The following TXNRD1 variants were observed in gnomAD, a reference collection of about 807,000 sequenced individuals.
TXNRD1 encodes thioredoxin reductase 1, cytoplasmic.
TXNRD1 carries 57 observed loss-of-function variants against 80.3 expected under a neutral mutation model. The ratio of observed to expected loss-of-function variants is 0.71; its 90% CI spans 0.57 to 0.89. The LOEUF (loss-of-function observed/expected upper bound fraction) is 0.89. TXNRD1 is among the 40% of genes least tolerant of loss of function. The probability of loss-of-function intolerance (pLI) is 0.00; values close to 1 mark genes in which losing one functional copy is unlikely to be tolerated. For missense variants in TXNRD1, 730 were observed against 803.0 expected (o/e 0.91, Z 1.10); for synonymous variants, 291 against 285.2 (o/e 1.02, Z -0.20).
intron 3 of TXNRD1, chr12:104,265,652 C>A (rs1251704587): frequency 6.8e-6 from 11 of 1,606,438 alleles, no homozygotes; most frequent in African/African-American, 1.3e-5. Flanking sequence ...GACATGGGTG[C>A]CCGGCACCGC....
intron 1 of TXNRD1, among the ~76,000 whole-genome samples, chr12:104,243,361 T>C (rs1017811688): frequency 6.6e-5 from 10 of 152,174 alleles, no homozygotes; most frequent in African/African-American, 2.2e-4. Flanking sequence ...ATAACTACTT[T>C]CTTGTCTTCA....
At chr12:104,279,851 T>C (rs1565875249) in intron 3 of TXNRD1, among the ~76,000 whole-genome samples, 1 of 151,918 alleles carries the variant, frequency 6.6e-6, no homozygotes, top group Non-Finnish European at 1.5e-5. Context: ...GATCACGAAG[T>C]CAGGAGTTGA....
In TXNRD1 at chr12:104,349,468, GTTA is replaced by G. The variant is rs776812321; in HGVS notation, c.*1054_*1056del. On this transcript the variant is annotated 3_prime_UTR_variant, in exon 17 of 17. Coordinates refer to ENST00000525566, the MANE Select transcript of TXNRD1 (RefSeq NM_001093771.3). ...TTAAAGGAAGTTATTAATATCATAA[GTTA>G]TTATTAATATTTTGAACACAGGTGG... 1.2e-4 allele frequency: 19 copies of G among 152,620 alleles called. No individual in the cohort carries two copies. The highest frequency in any genetic ancestry group is 3.9e-4 in the East Asian group (2 of 5,188). The allele number at this position is 152,620 out of a possible 1,614,324, so 9.5% of individuals were successfully genotyped here.
chr12:104,282,407 G>A (rs1429656442), intron 3 of TXNRD1, among the ~76,000 whole-genome samples: 2 of 152,144 alleles, frequency 1.3e-5, no homozygotes, highest in African/African-American at 2.4e-5. Flanking sequence ...TGATTTAATT[G>A]GGAATGACAA....
At chr12:104,306,808 G>T (rs906149473) in intron 4 of TXNRD1, among the ~76,000 whole-genome samples, 3 of 152,130 alleles carry the variant, frequency 2.0e-5, no homozygotes, top group African/African-American at 4.8e-5. Flanking sequence ...CTCATTTCCA[G>T]CATGTCTCTA....
At chr12:104,244,336 A>G (rs1049283937) in intron 1 of TXNRD1, among the ~76,000 whole-genome samples, 3 of 152,192 alleles carry the variant, frequency 2.0e-5, no homozygotes, top group African/African-American at 7.2e-5. Flanking sequence ...TACTAATCCC[A>G]CAGTTCAAAT....
chr12:104,293,952 C>G (rs548479715), intron 4 of TXNRD1, among the ~76,000 whole-genome samples: 14 of 152,218 alleles, frequency 9.2e-5, no homozygotes, highest in Admixed American at 8.5e-4. Flanking sequence ...GCCTGGCAGC[C>G]GAGGCAGAGA....
intron 4 of TXNRD1, among the ~76,000 whole-genome samples, chr12:104,301,632 C>T (rs917636454): frequency 6.6e-6 from 1 of 152,184 alleles, no homozygotes; most frequent in African/African-American, 2.4e-5. Flanking sequence ...CCACCGTGCC[C>T]GGCTGCTTTT....
At chr12:104,265,456 C>T (rs2033460475) in intron 3 of TXNRD1, 2 of 1,605,914 alleles carry the variant, frequency 1.2e-6, no homozygotes, top group African/African-American at 2.7e-5. Flanking sequence ...CTTTGTATCT[C>T]AGTTAAAGAA....
chr12:104,289,752 CA>C (rs1555211918), intron 4 of TXNRD1, among the ~76,000 whole-genome samples: 4 of 144,186 alleles, frequency 2.8e-5, no homozygotes, highest in Non-Finnish European at 6.1e-5. Context: ...AAAAAAAAAA[CA>C]GTCTTGCTCT....
chr12:104,220,861 A>C (rs552468613), intron 1 of TXNRD1, among the ~76,000 whole-genome samples: 4 of 152,316 alleles, frequency 2.6e-5, no homozygotes, highest in African/African-American at 9.6e-5. Flanking sequence ...GGAATATTTC[A>C]TGAATATTCC....
intron 15 of TXNRD1, among the ~76,000 whole-genome samples, chr12:104,338,447 C>T (rs565723870): frequency 1.3e-5 from 2 of 151,648 alleles, no homozygotes; most frequent in African/African-American, 2.4e-5. Context: ...GTAATCCCAG[C>T]ACTTTGGGAG....
intron 1 of TXNRD1, among the ~76,000 whole-genome samples, chr12:104,236,133 G>A (rs1226680178): frequency 6.6e-6 from 1 of 152,104 alleles, no homozygotes; most frequent in Non-Finnish European, 1.5e-5. Context: ...GTATATCTTG[G>A]GAAATACTGT....
intron 4 of TXNRD1, among the ~76,000 whole-genome samples, chr12:104,301,498 C>T (rs61116902): frequency 0.013 from 1,931 of 152,198 alleles, 38 homozygotes; most frequent in African/African-American, 0.041. Flanking sequence ...CAACCACGCC[C>T]GGCTAATTTT....
At chr12:104,332,514 C>G (rs2035985551) in intron 14 of TXNRD1, among the ~76,000 whole-genome samples, 1 of 151,918 alleles carries the variant, frequency 6.6e-6, no homozygotes, top group African/African-American at 2.4e-5. Context: ...CTTTGGGAGG[C>G]CGAGGTGGGT....
At chr12:104,312,757 A>G (rs1191591338) in intron 5 of TXNRD1, among the ~76,000 whole-genome samples, 1 of 152,234 alleles carries the variant, frequency 6.6e-6, no homozygotes, top group Non-Finnish European at 1.5e-5. Context: ...AAATCTTGTA[A>G]TACAGAAGAA....
chr12:104,269,654 G>GCCT (rs1463988597), intron 3 of TXNRD1, among the ~76,000 whole-genome samples: 1 of 151,752 alleles, frequency 6.6e-6, no homozygotes, highest in Non-Finnish European at 1.5e-5. Context: ...AGTAACCTCT[G>GCCT]CCTCCCAGGT....
intron 1 of TXNRD1, among the ~76,000 whole-genome samples, chr12:104,249,489 TAATGA>T (rs2033064941): frequency 9.0e-6 from 1 of 111,476 alleles, no homozygotes; most frequent in Non-Finnish European, 2.0e-5. Flanking sequence ...GTCTGGTATA[TAATGA>T]AACAGTCTCT....
chr12:104,291,480 C>CTTT (rs1161549363), intron 4 of TXNRD1, among the ~76,000 whole-genome samples: 34 of 98,418 alleles, frequency 3.5e-4, no homozygotes, highest in African/African-American at 4.7e-4. Flanking sequence ...CCGCACCCAG[C>CTTT]TTTTTTTTTT....
Sources: allele counts gnomAD v4.1 joint callset (sites outside exome capture counted in the v4.1 genomes callset), GRCh38; gene constraint gnomAD v4.1.1; transcripts MANE v1.5; gene names NCBI Gene and HGNC (gene_info 2026-07-23, HGNC 2026-07-21).